Variants in KIAA1328 observed in about 807,000 individuals in gnomAD.
The protein encoded by KIAA1328 is KIAA1328.
A neutral mutation model predicts 68.1 loss-of-function variants in KIAA1328; 52 were observed. The observed-to-expected ratio is 0.76, with a 90% CI of 0.61 to 0.96. The LOEUF is 0.96. Among genes scored for constraint, KIAA1328 ranks in the 40% least tolerant of loss-of-function variants. The probability of loss-of-function intolerance (pLI) is 0.00; values close to 1 mark genes in which losing one functional copy is unlikely to be tolerated. For missense variants in KIAA1328, 641 were observed against 677.6 expected (o/e 0.95, Z 0.60); for synonymous variants, 232 against 239.4 (o/e 0.97, Z 0.28).
chr18:37,151,104 A>C (rs2059018843), intron 7 of KIAA1328, among the ~76,000 whole-genome samples: 2 of 152,206 alleles, frequency 1.3e-5, no homozygotes, highest in Non-Finnish European at 2.9e-5. Flanking sequence ...CACAGAATGC[A>C]AATTCAATGT....
chr18:37,225,693 C>T (rs191126701), downstream of KIAA1328, among the ~76,000 whole-genome samples: 29 of 152,204 alleles, frequency 1.9e-4, no homozygotes, highest in Admixed American at 3.9e-4. Flanking sequence ...AAAAATGGCC[C>T]TGCCTAGTTG....
At chr18:36,886,865 T>C (rs2048518748) in intron 5 of KIAA1328, among the ~76,000 whole-genome samples, 1 of 152,256 alleles carries the variant, frequency 6.6e-6, no homozygotes, top group East Asian at 1.9e-4. Flanking sequence ...AATGGAAGCA[T>C]AAAGATAAAT....
chr18:37,208,337 T>C (rs546390515), intron 9 of KIAA1328, among the ~76,000 whole-genome samples: 62 of 152,294 alleles, frequency 4.1e-4, no homozygotes, highest in African/African-American at 1.4e-3. Context: ...TTTTAATTTA[T>C]GACAAGTTCT....
intron 9 of KIAA1328, among the ~76,000 whole-genome samples, chr18:37,173,952 C>A (rs561141638): frequency 6.6e-6 from 1 of 152,144 alleles, no homozygotes; most frequent in African/African-American, 2.4e-5. Flanking sequence ...GTGTGTTCAT[C>A]GTATTTTGGC....
At chr18:37,129,966 A>C (rs1304033502) in intron 7 of KIAA1328, among the ~76,000 whole-genome samples, 2 of 152,206 alleles carry the variant, frequency 1.3e-5, no homozygotes, top group East Asian at 3.8e-4. Context: ...TAAAGGGTTC[A>C]GTATGTTACT....
chr18:37,056,074 T>G (rs2055894029), intron 6 of KIAA1328, among the ~76,000 whole-genome samples: 1 of 152,204 alleles, frequency 6.6e-6, no homozygotes, highest in African/African-American at 2.4e-5. Context: ...TTACAGAAAC[T>G]TATAGAACAT....
intron 9 of KIAA1328, among the ~76,000 whole-genome samples, chr18:37,208,908 A>G (rs562367376): frequency 3.3e-5 from 5 of 152,208 alleles, no homozygotes; most frequent in Non-Finnish European, 7.4e-5. Flanking sequence ...TTGCTAACCT[A>G]TGATGGACTG....
intron 7 of KIAA1328, among the ~76,000 whole-genome samples, chr18:37,110,149 A>G (rs2057889734): frequency 6.6e-6 from 1 of 152,132 alleles, no homozygotes. Context: ...TAGTTGTCAT[A>G]TCAGACCTTT....
chr18:37,137,322 T>C (rs942196469), intron 7 of KIAA1328, among the ~76,000 whole-genome samples: 14 of 152,162 alleles, frequency 9.2e-5, no homozygotes, highest in African/African-American at 3.1e-4. Flanking sequence ...CTCTTCTGCC[T>C]ATAAGCTTGC....
intron 9 of KIAA1328, among the ~76,000 whole-genome samples, chr18:37,218,488 T>A (rs1244294000): frequency 6.6e-6 from 1 of 152,100 alleles, no homozygotes; most frequent in Non-Finnish European, 1.5e-5. Context: ...GGCTGGCAAT[T>A]AAGGAGACAA....
chr18:37,207,097 G>A (rs556701730), intron 9 of KIAA1328, among the ~76,000 whole-genome samples: 40 of 152,274 alleles, frequency 2.6e-4, no homozygotes, highest in African/African-American at 9.1e-4. Flanking sequence ...GTAAAAAGGA[G>A]AAAGCCTCTG....
At chr18:37,206,858 C>T (rs2060225421) in intron 9 of KIAA1328, among the ~76,000 whole-genome samples, 1 of 152,036 alleles carries the variant, frequency 6.6e-6, no homozygotes, top group African/African-American at 2.4e-5. Flanking sequence ...TAGCACCAGC[C>T]ATCTAGAATA....
chr18:37,043,135 AT>A (rs1158179213), intron 6 of KIAA1328, among the ~76,000 whole-genome samples: 2 of 152,106 alleles, frequency 1.3e-5, no homozygotes, highest in Non-Finnish European at 2.9e-5. Flanking sequence ...ATTTGTTGCC[AT>A]TGTTGTACTT....
At chr18:37,150,586 C>A (rs72894348) in intron 7 of KIAA1328, among the ~76,000 whole-genome samples, 17,092 of 143,792 alleles carry the variant, frequency 0.12, 1,187 homozygotes, top group Admixed American at 0.17. Context: ...AAAAAAAAAA[C>A]CCCACAAAAA....
At chr18:37,113,670 A>T (rs540302102) in intron 7 of KIAA1328, among the ~76,000 whole-genome samples, 19 of 152,136 alleles carry the variant, frequency 1.2e-4, no homozygotes, top group Admixed American at 7.8e-4. Flanking sequence ...ATTAACCTTA[A>T]ATGTAAATGG....
At chr18:37,173,223 T>C (rs1436711703) in intron 9 of KIAA1328, 142 bp downstream of exon 9, 1 of 600,300 alleles carries the variant, frequency 1.7e-6, no homozygotes, top group East Asian at 2.9e-5. Context: ...AGCATCTAGA[T>C]TTGGCCAGTT....
At chr18:37,120,456 G>A (rs1407802909) in intron 7 of KIAA1328, among the ~76,000 whole-genome samples, 2 of 152,146 alleles carry the variant, frequency 1.3e-5, no homozygotes, top group East Asian at 3.9e-4. Context: ...GGAAAGAAAG[G>A]GGGATGAGAA....
At chr18:37,158,733 T>C (rs531513726) in intron 7 of KIAA1328, among the ~76,000 whole-genome samples, 2 of 152,246 alleles carry the variant, frequency 1.3e-5, no homozygotes, top group South Asian at 4.2e-4. Flanking sequence ...TGAATAAAGG[T>C]ACAGAAAAGC....
chr18:37,166,665 C>G (rs1234155854), intron 8 of KIAA1328, among the ~76,000 whole-genome samples: 1 of 152,124 alleles, frequency 6.6e-6, no homozygotes, highest in East Asian at 1.9e-4. Context: ...CTGTTTTAAC[C>G]TGTCTGTGGA....
Sources: gnomAD v4.1 joint callset for allele counts (sites outside exome capture counted in the v4.1 genomes callset) on GRCh38, gnomAD v4.1.1 for gene constraint, MANE v1.5 for transcripts, NCBI Gene and HGNC (gene_info 2026-07-23, HGNC 2026-07-21) for gene names.